DOCK7: variants seen among roughly 807,000 people sequenced by gnomAD.
DOCK7 encodes the protein dedicator of cytokinesis 7.
A neutral mutation model predicts 271.0 loss-of-function variants in DOCK7; 138 were observed. The observed-to-expected ratio is 0.51, with a 90% CI of 0.44 to 0.59. The LOEUF (loss-of-function observed/expected upper bound fraction) is 0.59. DOCK7 is among the 20% of genes least tolerant of loss of function. The pLI, the probability that DOCK7 is intolerant of heterozygous loss-of-function variation, is 0.00. For missense variants in DOCK7, 2,066 were observed against 2,592.4 expected, an observed-to-expected ratio of 0.80 and a Z score of 4.41; for synonymous variants, 823 against 876.1, an observed-to-expected ratio of 0.94 and a Z score of 1.07.
intron 2 of DOCK7, among the ~76,000 whole-genome samples, chr1:62,656,007 C>T (rs1291408495): frequency 6.6e-6 from 1 of 152,120 alleles, no homozygotes; most frequent in Non-Finnish European, 1.5e-5. Context: ...TTTTTTCTCT[C>T]ATAAGCCTTC....
chr1:62,456,209 G>T lies in DOCK7; in HGVS notation c.6381-753C>A, dbSNP rs536689153. Among the ~76,000 whole-genome samples the T allele has an allele frequency of 3.3e-5, 5 of 152,140 alleles. No homozygotes were observed. The South Asian group carries it at 1.0e-3, about 32-fold the overall frequency. Reference sequence around the variant, plus strand: ...TTTGACTTAGGGAAATTCCTGAAAGGGTCTTAGGGACTCCCCTCTCATGGG... The same window carrying T: ...TTTGACTTAGGGAAATTCCTGAAAGTGTCTTAGGGACTCCCCTCTCATGGG... On this transcript the variant is annotated intron_variant, in intron 49 of 49. Transcript: ENST00000635253.
chr1:62,529,399 A>G lies in DOCK7; in HGVS notation c.3659T>C (p.Leu1220Pro), dbSNP rs1301049019. The change falls in exon 30 of 50, where the codon CTC (leucine) becomes CCC (proline). Residue 1220 changes from leucine (L) to proline (P), a missense_variant. Leu to Pro is a moderately conservative substitution (Grantham distance 98, BLOSUM62 -3). Transcript: ENST00000635253. Reference sequence around the variant, plus strand: ...CCGCGGGTCTGAGTCGTGACTGGAGAGTAAATTGTGTACCATATTGATGAC... The same window carrying G: ...CCGCGGGTCTGAGTCGTGACTGGAGGGTAAATTGTGTACCATATTGATGAC... ...KKVINMVHNL[L>P]SSHDSDPRYS... The G allele has an allele frequency of 6.2e-7, 1 of 1,613,604 alleles. No homozygotes were observed. The highest frequency in any genetic ancestry group is 8.5e-7 in the Non-Finnish European group (1 of 1,179,860).
rs2149390408 is a variant in DOCK7, at chr1:62,538,091, C to T, written c.3301-30G>A. 3.8e-6 allele frequency: 6 copies of T among 1,588,112 alleles called. No homozygotes were observed. In the East Asian group the frequency reaches 1.1e-4, roughly 30 times the overall value. On this transcript the variant is annotated intron_variant, in intron 27 of 49. Coordinates refer to ENST00000635253, the MANE Select transcript of DOCK7 (RefSeq NM_001367561.1). Reference sequence around the variant, plus strand: ...TAAGCAATGCATAAGTAAGAGAACACCAATTGAATCTATTATTTCTTTAAT... The same window carrying T: ...TAAGCAATGCATAAGTAAGAGAACATCAATTGAATCTATTATTTCTTTAAT...
intron 11 of DOCK7, among the ~76,000 whole-genome samples, chr1:62,625,947 T>A (rs1425265865): frequency 6.6e-6 from 1 of 152,146 alleles, no homozygotes. Context: ...TACATTCTTG[T>A]CAAGCACTTA....
intron 14 of DOCK7, among the ~76,000 whole-genome samples, chr1:62,589,309 G>C (rs1044899466): frequency 2.6e-5 from 4 of 152,070 alleles, no homozygotes; most frequent in African/African-American, 9.7e-5. Context: ...ACTCACAGAT[G>C]AAACATATTT....
At chr1:62,512,812 A>C (rs1278169959) in intron 33 of DOCK7, among the ~76,000 whole-genome samples, 2 of 151,794 alleles carry the variant, frequency 1.3e-5, no homozygotes, top group Non-Finnish European at 2.9e-5. Flanking sequence ...TTGGGGGATG[A>C]AGGTGTAAAA....
At chr1:62,461,677 T>TAAATAAAATAAAATA (rs71045843) in intron 48 of DOCK7, among the ~76,000 whole-genome samples, 6,536 of 134,880 alleles carry the variant, frequency 0.048, 229 homozygotes, top group Middle Eastern at 0.083. Context: ...TCTCAAAAAA[T>TAAATAAAATAAAATA]AAATAAAATA....
At chr1:62,511,233 G>A (rs1258996275) in intron 33 of DOCK7, 3 of 152,156 alleles carry the variant, frequency 2.0e-5, no homozygotes, top group East Asian at 1.9e-4. Context: ...AGCTCCTTAA[G>A]AACAGAAATG....
rs1223511761 is a variant in DOCK7, at chr1:62,477,735, T to C, written c.5599A>G (p.Ile1867Val). The C allele has an allele frequency of 6.2e-7, 1 of 1,609,736 alleles. No individual in the cohort carries two copies. Residue 1867 changes from isoleucine (I) to valine (V), a missense_variant, in exon 44 of 50, where the codon ATA becomes GTA. By Grantham distance (29) the Ile-to-Val change is conservative. Transcript: ENST00000635253. ...EQEFVYKEPA[I>V]TKLAEISHRL... ...TGAGATATCTCTGCAAGTTTGGTTA[T>C]TGCAGGCTCCTTGTAAACAAATTCT...
At chr1:62,578,992 A>T (rs373446960) in intron 16 of DOCK7, 26 bp from the exon 17 acceptor site, 3 of 1,495,884 alleles carry the variant, frequency 2.0e-6, no homozygotes, top group African/African-American at 1.4e-5. Context: ...AAAAAAAATC[A>T]ACAGTCAGTA....
chr1:62,581,478 T>G (rs1647119594), intron 16 of DOCK7, among the ~76,000 whole-genome samples: 1 of 152,042 alleles, frequency 6.6e-6, no homozygotes, highest in Admixed American at 6.6e-5. Context: ...GATAGATATA[T>G]GAACACAGAG....
chr1:62,644,813 T>C (rs1479756342), intron 7 of DOCK7, among the ~76,000 whole-genome samples: 1 of 152,186 alleles, frequency 6.6e-6, no homozygotes, highest in Non-Finnish European at 1.5e-5. Context: ...CTTCCTCACT[T>C]TAAACCTGGA....
At position 62,636,557 on chromosome 1, in the gene DOCK7, C is replaced by T. The variant is rs772537885; in HGVS notation, c.865G>A (p.Asp289Asn). The change falls in exon 8 of 50, where the codon GAT (aspartate) becomes AAT (asparagine). Residue 289 changes from aspartate (D) to asparagine (N), a missense_variant. This residue lies in a region of DOCK7 where 1,414 missense variants were observed against 1,670.4 expected (regional missense o/e 0.85). Coordinates refer to ENST00000635253, the MANE Select transcript of DOCK7 (RefSeq NM_001367561.1). ...EPIFASLALY[D>N]VKEKKKISEN... ...CTTACCTTTTTCTTTTCCTTGACATCATATAAAGCCAAACTTGCAAAAATG... is the reference window on the plus strand; with the variant it reads ...CTTACCTTTTTCTTTTCCTTGACATTATATAAAGCCAAACTTGCAAAAATG... 5 of 1,601,960 alleles carry T rather than the reference C, an allele frequency of 3.1e-6. No individual in the cohort carries two copies. The East Asian group carries it at 1.1e-4, about 36-fold the overall frequency.
intron 37 of DOCK7, among the ~76,000 whole-genome samples, chr1:62,498,962 T>C (rs1646701808): frequency 6.6e-6 from 1 of 151,850 alleles, no homozygotes; most frequent in Admixed American, 6.6e-5. Flanking sequence ...CCACCATGCT[T>C]GGCTAATTTT....
intron 18 of DOCK7, among the ~76,000 whole-genome samples, chr1:62,569,631 T>C (rs917799472): frequency 3.3e-5 from 5 of 151,840 alleles, no homozygotes; most frequent in African/African-American, 1.2e-4. Flanking sequence ...GCCAATATCA[T>C]ACTGAATGGG....
intron 48 of DOCK7, among the ~76,000 whole-genome samples, chr1:62,470,749 G>T (rs1481305369): frequency 6.6e-6 from 1 of 152,094 alleles, no homozygotes; most frequent in African/African-American, 2.4e-5. Flanking sequence ...AGCTGAGATT[G>T]TGTCACTTTC....
chr1:62,642,270 G>A (rs780702580), intron 7 of DOCK7, among the ~76,000 whole-genome samples: 10 of 151,756 alleles, frequency 6.6e-5, no homozygotes, highest in East Asian at 3.9e-4. Flanking sequence ...CAACATGCCC[G>A]GCTAATTTTT....
chr1:62,570,586 C>T (rs1646738689), intron 18 of DOCK7, among the ~76,000 whole-genome samples: 1 of 152,044 alleles, frequency 6.6e-6, no homozygotes. Flanking sequence ...AAAAAAAGGC[C>T]CATACAGCCA....
chr1:62,610,577 A>G (rs1377795782), intron 14 of DOCK7, among the ~76,000 whole-genome samples: 1 of 152,106 alleles, frequency 6.6e-6, no homozygotes, highest in Admixed American at 6.5e-5. Context: ...TCAACCCGTC[A>G]TCTACATTAG....
Sources: allele counts gnomAD v4.1 joint callset (sites outside exome capture counted in the v4.1 genomes callset), GRCh38; gene constraint gnomAD v4.1.1; regional missense constraint gnomAD v4.1.1; transcripts MANE v1.5; gene names NCBI Gene and HGNC (gene_info 2026-07-23, HGNC 2026-07-21).